Variants in GRID1 observed in about 807,000 individuals in gnomAD.
The protein encoded by GRID1 is glutamate receptor ionotropic, delta-1.
In GRID1, 28 loss-of-function variants were observed where a neutral mutation model predicts 98.0. The observed-to-expected ratio is 0.29, with a 90% CI of 0.21 to 0.39. The LOEUF is 0.39. Ranked by LOEUF, GRID1 falls within the 10% of genes least tolerant of loss-of-function variation. The pLI is 1.00. For synonymous variants in GRID1, 553 were observed against 538.5 expected, an observed-to-expected ratio of 1.03 and a Z score of -0.37; for missense variants, 1,111 against 1,340.5, an observed-to-expected ratio of 0.83 and a Z score of 2.67.
At chr10:86,348,600 T>C (rs916565546) in intron 2 of GRID1, among the ~76,000 whole-genome samples, 3 of 152,086 alleles carry the variant, frequency 2.0e-5, no homozygotes, top group Non-Finnish European at 4.4e-5. Flanking sequence ...CAAGGCTGAG[T>C]GGGGGCCCAT....
intron 2 of GRID1, among the ~76,000 whole-genome samples, chr10:86,302,080 T>C (rs1336823761): frequency 1.3e-5 from 2 of 152,210 alleles, no homozygotes; most frequent in African/African-American, 4.8e-5. Flanking sequence ...AAAGCCTCAC[T>C]TGGCTCACAC....
chr10:85,821,538 A>AGC (rs1251742436), intron 8 of GRID1, among the ~76,000 whole-genome samples: 1 of 146,102 alleles, frequency 6.8e-6, no homozygotes, highest in African/African-American at 2.5e-5. Context: ...AAAAAAAAAA[A>AGC]AAAAAAAGAA....
At chr10:85,973,433 T>A (rs1204770565) in intron 4 of GRID1, among the ~76,000 whole-genome samples, 2 of 152,168 alleles carry the variant, frequency 1.3e-5, no homozygotes, top group Non-Finnish European at 2.9e-5. Flanking sequence ...CCTTCTTTTC[T>A]CCATGGTATT....
At chr10:85,677,628 T>C (rs1423565087) in intron 12 of GRID1, among the ~76,000 whole-genome samples, 2 of 152,174 alleles carry the variant, frequency 1.3e-5, no homozygotes, top group Non-Finnish European at 2.9e-5. Flanking sequence ...GTCTACATGA[T>C]TTTCAGCCCA....
chr10:86,310,418 G>C (rs527731526), intron 2 of GRID1, among the ~76,000 whole-genome samples: 1 of 152,258 alleles, frequency 6.6e-6, no homozygotes, highest in East Asian at 1.9e-4. Context: ...CATCTGTCAT[G>C]GTGGTCCCCA....
chr10:85,909,476 CA>C, intron 5 of GRID1, among the ~76,000 whole-genome samples: 1 of 152,158 alleles, frequency 6.6e-6, no homozygotes, highest in Admixed American at 6.5e-5. Context: ...TTTGTAATAG[CA>C]AAAAACCTAA....
intron 4 of GRID1, among the ~76,000 whole-genome samples, chr10:85,941,565 CTTTGAAATATTTTTCTAGA>C (rs1484705259): frequency 6.6e-6 from 1 of 152,120 alleles, no homozygotes; most frequent in Non-Finnish European, 1.5e-5. Context: ...ACATGACATA[CTTTGAAATATTTTTCTAGA>C]TTTGCATTTT....
At chr10:85,939,757 T>C (rs138004443) in intron 4 of GRID1, among the ~76,000 whole-genome samples, 19 of 152,200 alleles carry the variant, frequency 1.2e-4, no homozygotes, top group Admixed American at 9.8e-4. Context: ...AACATATTCA[T>C]TGGTTCCAAG....
At chr10:85,931,639 G>A (rs865811068) in intron 4 of GRID1, among the ~76,000 whole-genome samples, 5 of 152,108 alleles carry the variant, frequency 3.3e-5, no homozygotes, top group African/African-American at 1.2e-4. Flanking sequence ...ATCTCTTTAA[G>A]ACTAATAATA....
chr10:86,168,763 C>G (rs1845437934), intron 3 of GRID1, among the ~76,000 whole-genome samples: 1 of 152,162 alleles, frequency 6.6e-6, no homozygotes, highest in South Asian at 2.1e-4. Flanking sequence ...AAATACCTGC[C>G]TCTGGAAAGA....
chr10:86,003,443 C>T (rs1223824502), intron 4 of GRID1, among the ~76,000 whole-genome samples: 1 of 152,224 alleles, frequency 6.6e-6, no homozygotes, highest in African/African-American at 2.4e-5. Flanking sequence ...GGCACTTGTG[C>T]CCCATTTAGA....
intron 4 of GRID1, among the ~76,000 whole-genome samples, chr10:85,937,538 G>A (rs1786278648): frequency 6.6e-6 from 1 of 152,174 alleles, no homozygotes. Context: ...TCACCTTGTG[G>A]TTGACCTGAC....
chr10:85,811,086 C>T (rs938371237), intron 8 of GRID1, among the ~76,000 whole-genome samples: 8 of 152,178 alleles, frequency 5.3e-5, no homozygotes, highest in African/African-American at 1.4e-4. Flanking sequence ...GTGTCATCAC[C>T]ACCACAAATC....
At chr10:85,764,851 A>G (rs1590221394) in intron 8 of GRID1, among the ~76,000 whole-genome samples, 1 of 152,210 alleles carries the variant, frequency 6.6e-6, no homozygotes, top group Admixed American at 6.5e-5. Flanking sequence ...AAAATTGAAA[A>G]CAAAACTCAG....
intron 12 of GRID1, among the ~76,000 whole-genome samples, chr10:85,673,370 T>C (rs976143673): frequency 5.3e-5 from 8 of 152,248 alleles, no homozygotes; most frequent in Non-Finnish European, 1.0e-4. Flanking sequence ...TTGAGAAGTG[T>C]GACTCCAACG....
intron 4 of GRID1, among the ~76,000 whole-genome samples, chr10:85,943,294 G>A (rs1439651647): frequency 6.6e-6 from 1 of 151,760 alleles, no homozygotes; most frequent in African/African-American, 2.4e-5. Context: ...AAAGAATGCT[G>A]GAATAAATCA....
chr10:85,605,924 G>C (rs1842654696), intron 15 of GRID1: 1 of 152,230 alleles, frequency 6.6e-6, no homozygotes, highest in Admixed American at 6.5e-5. Flanking sequence ...GTAAGTGAGG[G>C]AAGTCTCTGA....
chr10:85,714,320 A>C (rs1359251669), intron 12 of GRID1, among the ~76,000 whole-genome samples: 3 of 152,038 alleles, frequency 2.0e-5, no homozygotes, highest in Admixed American at 2.0e-4. Context: ...TGTTTATCTG[A>C]GTGATGAAAT....
chr10:86,144,536 G>A (rs543890430), intron 3 of GRID1, among the ~76,000 whole-genome samples: 31 of 152,240 alleles, frequency 2.0e-4, no homozygotes, highest in African/African-American at 7.2e-4. Flanking sequence ...CATCCCGGCC[G>A]CTCGCCCTCT....
Sources: gnomAD v4.1 joint callset for allele counts (sites outside exome capture counted in the v4.1 genomes callset) on GRCh38, gnomAD v4.1.1 for gene constraint, MANE v1.5 for transcripts, NCBI Gene and HGNC (gene_info 2026-07-23, HGNC 2026-07-21) for gene names.